TSHB: variants seen among roughly 807,000 people sequenced by gnomAD.
The protein encoded by TSHB is thyroid stimulating hormone subunit beta.
A neutral mutation model predicts 9.3 loss-of-function variants in TSHB; 9 were observed. The observed-to-expected ratio is 0.97, with a 90% CI of 0.58 to 1.69. The LOEUF (loss-of-function observed/expected upper bound fraction) is 1.69, where lower values mean the gene tolerates loss of function less well. Ranked by LOEUF, TSHB falls within the 40% of genes most tolerant of loss-of-function variation. The pLI, the probability that TSHB is intolerant of heterozygous loss-of-function variation, is 0.00. For synonymous variants in TSHB, 57 were observed against 57.2 expected (o/e 1.00, Z 0.01); for missense variants, 182 against 168.5 (o/e 1.08, Z -0.44).
At chr1:115,030,783 C>A (rs965896134) in intron 1 of TSHB, among the ~76,000 whole-genome samples, 1 of 151,932 alleles carries the variant, frequency 6.6e-6, no homozygotes, top group South Asian at 2.1e-4. Context: ...GAAATTGTGG[C>A]ATATCACAGA....
intron 1 of TSHB, among the ~76,000 whole-genome samples, chr1:115,032,631 T>C (rs998967492): frequency 2.0e-5 from 3 of 152,004 alleles, no homozygotes; most frequent in Non-Finnish European, 4.4e-5. Context: ...TTCAAGGTGA[T>C]CAACTTACAT....
At chr1:115,032,488 T>A (rs1237934184) in intron 1 of TSHB, among the ~76,000 whole-genome samples, 1 of 152,006 alleles carries the variant, frequency 6.6e-6, no homozygotes, top group Admixed American at 6.6e-5. Context: ...CAAGTTTATG[T>A]TCATAGACCA....
At chr1:115,031,516 A>G (rs1674893899) in intron 1 of TSHB, among the ~76,000 whole-genome samples, 1 of 152,054 alleles carries the variant, frequency 6.6e-6, no homozygotes, top group Non-Finnish European at 1.5e-5. Flanking sequence ...TCACCAGGTC[A>G]CCACATTGAT....
chr1:115,030,550 G>T (rs921831828), intron 1 of TSHB, among the ~76,000 whole-genome samples: 28 of 151,636 alleles, frequency 1.8e-4, no homozygotes, highest in African/African-American at 6.5e-4. Context: ...AAAAATAAGA[G>T]AAAAAAAGAG....
chr1:115,033,234 C>CA, intron 1 of TSHB, 128 bp from the exon 2 acceptor site: 1 of 879,276 alleles, frequency 1.1e-6, no homozygotes, highest in South Asian at 1.6e-5. Context: ...CTTCCTTGAC[C>CA]AAATGGTAGA....
chr1:115,033,818 G>A (rs1000583799), intron 2 of TSHB, 155 bp from the exon 3 acceptor site: 6 of 507,514 alleles, frequency 1.2e-5, no homozygotes, highest in Non-Finnish European at 1.5e-5. Flanking sequence ...AGAATTCAAC[G>A]TGGTTAAGTT....
Position 115,033,440 on chromosome 1 carries a change from G to C in TSHB, c.78G>C (p.Glu26Asp). Reference protein sequence around the residue: ...GQAMSFCIPTEYTMHIERREC... With the variant: ...GQAMSFCIPTDYTMHIERREC... Reference sequence around the variant, plus strand: ...CGATGTCTTTTTGTATTCCAACTGAGTATACAATGCACATCGAAAGGAGAG... The same window carrying C: ...CGATGTCTTTTTGTATTCCAACTGACTATACAATGCACATCGAAAGGAGAG... The change falls in exon 2 of 3, where the codon GAG (glutamate) becomes GAC (aspartate). Residue 26 changes from glutamate to aspartate, a missense_variant. Coordinates refer to ENST00000256592, the MANE Select transcript of TSHB (RefSeq NM_000549.5). 1 of 1,613,166 alleles carries C rather than the reference G, an allele frequency of 6.2e-7. No homozygotes were observed. Among genetic ancestry groups the C allele is most frequent in the Non-Finnish European group, 8.5e-7 (1 of 1,179,232 alleles).
At chr1:115,033,564 T>C in intron 2 of TSHB, 40 bp downstream of exon 2, 1 of 1,556,194 alleles carries the variant, frequency 6.4e-7, no homozygotes, top group Non-Finnish European at 8.9e-7. Context: ...GTAAATTATA[T>C]AAGCCCTGAA....
downstream of TSHB, chr1:115,034,303 T>C (rs1387668554): frequency 1.1e-5 from 16 of 1,512,042 alleles, no homozygotes; most frequent in East Asian, 3.4e-4. Flanking sequence ...TTTCACATTA[T>C]CTTCTGTTCA....
At position 115,030,432 on chromosome 1, in the gene TSHB, A is replaced by G. The variant is rs552941056; in HGVS notation, c.-2+572A>G. Reference sequence around the variant, plus strand: ...GTGAAGTTCCAGGATTATTCATAGGATGGGCAATTAGTTCTTTTCATAGTA... The same window carrying G: ...GTGAAGTTCCAGGATTATTCATAGGGTGGGCAATTAGTTCTTTTCATAGTA... On this transcript the variant is annotated intron_variant, in intron 1 of 2. Transcript: ENST00000256592. 1.0e-3 allele frequency among the ~76,000 whole-genome samples: 158 copies of G among 152,100 alleles called. 2 individuals carry two copies. Among genetic ancestry groups the G allele is most frequent in the African/African-American group, 3.7e-3 (153 of 41,554 alleles).
chr1:115,034,020 T>C lies in TSHB; in HGVS notation c.210T>C (p.Asp70=), dbSNP rs1444424535. The part of the protein sequence containing the change: ...LFLPKYALSQ[D]VCTYRDFIYR... ...TTCCCAAATATGCTCTGTCCCAGGA[T>C]GTTTGCACATATAGAGACTTCATCT... Residue 70 remains aspartate (D), a synonymous_variant, in exon 3 of 3, where the codon GAT becomes GAC. Coordinates refer to ENST00000256592, the MANE Select transcript of TSHB (RefSeq NM_000549.5). 2 of 1,613,670 alleles carry C rather than the reference T, an allele frequency of 1.2e-6. No homozygotes were observed. Among genetic ancestry groups the C allele is most frequent in the African/African-American group, 2.7e-5 (2 of 74,904 alleles).
chr1:115,030,733 A>G (rs1420836657), intron 1 of TSHB, among the ~76,000 whole-genome samples: 1 of 152,000 alleles, frequency 6.6e-6, no homozygotes, highest in Non-Finnish European at 1.5e-5. Context: ...AGAATAAGCA[A>G]TTAAGTGGCA....
intron 1 of TSHB, among the ~76,000 whole-genome samples, chr1:115,031,643 A>G (rs1211216399): frequency 6.6e-6 from 1 of 152,030 alleles, no homozygotes; most frequent in Non-Finnish European, 1.5e-5. Context: ...ATGATGGGTA[A>G]GCATTTTACA....
chr1:115,032,084 G>C (rs1349030398), intron 1 of TSHB, among the ~76,000 whole-genome samples: 1 of 152,020 alleles, frequency 6.6e-6, no homozygotes, highest in Non-Finnish European at 1.5e-5. Flanking sequence ...CCACTGGACA[G>C]TCAGCCCTTT....
At chr1:115,030,985 A>C (rs1269083441) in intron 1 of TSHB, among the ~76,000 whole-genome samples, 1 of 143,538 alleles carries the variant, frequency 7.0e-6, no homozygotes, top group Non-Finnish European at 1.6e-5. Context: ...CCTTAAGTAG[A>C]ATTTAGATCA....
At chr1:115,032,271 GT>G (rs1182597611) in intron 1 of TSHB, among the ~76,000 whole-genome samples, 2 of 151,754 alleles carry the variant, frequency 1.3e-5, no homozygotes, top group Non-Finnish European at 2.9e-5. Context: ...GTGTAATGTG[GT>G]TTTCATGGTT....
At chr1:115,033,775 T>C (rs1023399089) in intron 2 of TSHB, 198 bp from the exon 3 acceptor site, 2 of 290,798 alleles carry the variant, frequency 6.9e-6, no homozygotes, top group South Asian at 1.3e-4. Flanking sequence ...TGATCAACGA[T>C]GAAAGAGAGG....
chr1:115,033,072 C>T (rs1287696756), intron 1 of TSHB, among the ~76,000 whole-genome samples: 3 of 146,436 alleles, frequency 2.0e-5, no homozygotes, highest in African/African-American at 7.6e-5. Context: ...GTAAAATAAT[C>T]TTTAATTTGT....
intron 1 of TSHB, among the ~76,000 whole-genome samples, chr1:115,030,830 T>C (rs905552807): frequency 6.6e-6 from 1 of 152,024 alleles, no homozygotes; most frequent in Non-Finnish European, 1.5e-5. Context: ...TACAGTGTTA[T>C]ACAGCTATGT....
Sources: allele counts gnomAD v4.1 joint callset (sites outside exome capture counted in the v4.1 genomes callset), GRCh38; gene constraint gnomAD v4.1.1; transcripts MANE v1.5; gene names NCBI Gene and HGNC (gene_info 2026-07-23, HGNC 2026-07-21).